Variants in PTPRC observed in about 807,000 individuals in gnomAD.
PTPRC encodes receptor-type tyrosine-protein phosphatase C.
In PTPRC, 44 loss-of-function variants were observed where a neutral mutation model predicts 155.9. The ratio of observed to expected loss-of-function variants is 0.28; its 90% CI spans 0.22 to 0.36. The LOEUF (loss-of-function observed/expected upper bound fraction) is 0.36, where lower values mean the gene tolerates loss of function less well. Ranked by LOEUF, PTPRC falls within the 10% of genes least tolerant of loss-of-function variation. PTPRC has a pLI of 1.00. For missense variants in PTPRC, 1,401 were observed against 1,564.6 expected, an observed-to-expected ratio of 0.90 and a Z score of 1.76; for synonymous variants, 525 against 533.1, an observed-to-expected ratio of 0.98 and a Z score of 0.21.
At chr1:198,641,021 TA>T (rs1662552091) in intron 2 of PTPRC, among the ~76,000 whole-genome samples, 1 of 152,024 alleles carries the variant, frequency 6.6e-6, no homozygotes, top group Non-Finnish European at 1.5e-5. Flanking sequence ...TAGAAACCTT[TA>T]TATCAACTTT....
intron 10 of PTPRC, 144 bp from the exon 11 acceptor site, chr1:198,709,543 G>C: frequency 1.4e-6 from 1 of 728,754 alleles, no homozygotes; most frequent in African/African-American, 1.9e-5. Flanking sequence ...ATTATTTTTA[G>C]GGTTTTTTAT....
At chr1:198,724,407 A>G (rs1654033168) in intron 15 of PTPRC, among the ~76,000 whole-genome samples, 2 of 152,084 alleles carry the variant, frequency 1.3e-5, no homozygotes, top group African/African-American at 4.8e-5. Context: ...CTCACATGCC[A>G]TCTTGAAATA....
In PTPRC at chr1:198,755,967, T is replaced by TAAAG; in HGVS notation, c.3711_3714dup (p.Asn1239GlufsTer8). ...ACCTACCCTGCTCAGAATGGACAAG[T>TAAAG]AAAGAAAAACAACCATCAAGAAGAT... On this transcript the variant is annotated frameshift_variant, in exon 33 of 33. Transcript: ENST00000442510. LOFTEE classifies it low-confidence loss of function (END_TRUNC). 1 of 1,613,088 alleles carries TAAAG rather than the reference T, an allele frequency of 6.2e-7. No individual in the cohort carries two copies. The highest frequency in any genetic ancestry group is 8.5e-7 in the Non-Finnish European group (1 of 1,179,426).
intron 3 of PTPRC, among the ~76,000 whole-genome samples, chr1:198,695,336 T>C (rs932525314): frequency 6.6e-6 from 1 of 151,756 alleles, no homozygotes; most frequent in African/African-American, 2.4e-5. Context: ...TTAATTATTT[T>C]TTGTTGTGTG....
intron 23 of PTPRC, among the ~76,000 whole-genome samples, chr1:198,736,242 G>T (rs1251441707): frequency 6.6e-6 from 1 of 151,328 alleles, no homozygotes; most frequent in African/African-American, 2.4e-5. Flanking sequence ...AATTATTGTT[G>T]AATAGTCACC....
At chr1:198,720,244 T>G (rs901667620) in intron 14 of PTPRC, among the ~76,000 whole-genome samples, 2 of 152,206 alleles carry the variant, frequency 1.3e-5, no homozygotes, top group Admixed American at 1.3e-4. Context: ...TCATTCTTAT[T>G]AAATTTGGTA....
At chr1:198,709,572 A>C (rs1029520387) in intron 10 of PTPRC, 115 bp from the exon 11 acceptor site, 1 of 919,252 alleles carries the variant, frequency 1.1e-6, no homozygotes, top group East Asian at 3.4e-5. Context: ...TAATTTCCAC[A>C]GATGTTTCAA....
chr1:198,696,869 C>T lies in PTPRC; in HGVS notation c.258C>T (p.Ser86=), dbSNP rs1666230354. The T allele has an allele frequency of 6.2e-7, 1 of 1,614,052 alleles. No homozygotes were observed. Among genetic ancestry groups the T allele is most frequent in the Non-Finnish European group, 8.5e-7 (1 of 1,179,958 alleles). The part of the protein sequence containing the change: ...LSPDNTSTQV[S]PDSLDNASAF... ...CAGACAATACTTCCACCCAAGTATC[C>T]CCGGACTCTTTGGATAATGCTAGTG... Residue 86 remains serine, a synonymous_variant, in exon 4 of 33, where the codon TCC becomes TCT. Transcript: ENST00000442510.
At chr1:198,651,760 T>C (rs1472751903) in intron 2 of PTPRC, among the ~76,000 whole-genome samples, 1 of 151,858 alleles carries the variant, frequency 6.6e-6, no homozygotes, top group Admixed American at 6.6e-5. Context: ...AATTTACTGG[T>C]TGTCATATCC....
At chr1:198,644,898 G>A (rs1006680190) in intron 2 of PTPRC, among the ~76,000 whole-genome samples, 16 of 151,706 alleles carry the variant, frequency 1.1e-4, no homozygotes, top group Admixed American at 4.0e-4. Context: ...TCAAGTGTCT[G>A]AAAGGAAAAA....
At chr1:198,748,866 C>CTT (rs1005939782) in intron 27 of PTPRC, among the ~76,000 whole-genome samples, 2 of 151,522 alleles carry the variant, frequency 1.3e-5, no homozygotes, top group African/African-American at 4.8e-5. Context: ...CATAGGAGTC[C>CTT]TTATGAATGT....
intron 2 of PTPRC, among the ~76,000 whole-genome samples, chr1:198,660,067 A>ATATATG (rs1315830203): frequency 9.8e-6 from 1 of 101,642 alleles, no homozygotes; most frequent in African/African-American, 3.4e-5. Flanking sequence ...ATATATATAT[A>ATATATG]TGATCTTTTT....
intron 2 of PTPRC, among the ~76,000 whole-genome samples, chr1:198,662,477 T>TGTGTGA (rs1553232046): frequency 6.7e-5 from 4 of 59,386 alleles, no homozygotes; most frequent in East Asian, 1.1e-3. Flanking sequence ...TGTGTGTGTG[T>TGTGTGA]GAGAGTGTGT....
intron 14 of PTPRC, among the ~76,000 whole-genome samples, chr1:198,721,064 G>A (rs185259893): frequency 2.6e-4 from 39 of 152,216 alleles, no homozygotes; most frequent in African/African-American, 9.4e-4. Flanking sequence ...CAACCTTAAC[G>A]TTCAAAGTAG....
At position 198,704,507 on chromosome 1, in the gene PTPRC, A is replaced by T. The variant is rs769983193; in HGVS notation, c.685+9A>T. 1 of 1,614,006 alleles carries T rather than the reference A, an allele frequency of 6.2e-7. No individual in the cohort carries two copies. On this transcript the variant is annotated intron_variant, in intron 8 of 32. Coordinates refer to ENST00000442510, the MANE Select transcript of PTPRC (RefSeq NM_002838.5). The stretch of plus-strand genomic sequence containing the variant: ...ATCTAAGCCAACATGTGGTAAGTTT[A>T]TTTACTTAGAATCAGCATACCTCAC...
chr1:198,698,613 A>C (rs1005836331), intron 4 of PTPRC, among the ~76,000 whole-genome samples: 4 of 152,004 alleles, frequency 2.6e-5, no homozygotes, highest in African/African-American at 9.7e-5. Context: ...CATAACATTA[A>C]ATTTAATTAT....
At chr1:198,678,358 T>G (rs1665081954) in intron 2 of PTPRC, among the ~76,000 whole-genome samples, 1 of 152,214 alleles carries the variant, frequency 6.6e-6, no homozygotes, top group Admixed American at 6.5e-5. Context: ...GTTTCTATTT[T>G]TATTCAATTA....
In PTPRC at chr1:198,713,844, G is replaced by T. The variant is rs372365004; in HGVS notation, c.1291+772G>T. Among the ~76,000 whole-genome samples, 78 of 152,304 alleles carry T rather than the reference G, an allele frequency of 5.1e-4. 1 individual carries two copies. In the South Asian group the frequency reaches 0.016, roughly 31 times the overall value. ...TCATAGAATTCTGTCACTCTGTGCT[G>T]TGGGGAAGGAACCAGACATACACTT... On this transcript the variant is annotated intron_variant, in intron 12 of 32. Transcript: ENST00000442510.
At chr1:198,728,649 T>C (rs1038487304) in intron 16 of PTPRC, among the ~76,000 whole-genome samples, 4 of 152,184 alleles carry the variant, frequency 2.6e-5, no homozygotes, top group Admixed American at 2.0e-4. Context: ...AATATTATTT[T>C]CTAAATTTAC....
Sources: gnomAD v4.1 joint callset for allele counts (sites outside exome capture counted in the v4.1 genomes callset) on GRCh38, gnomAD v4.1.1 for gene constraint, MANE v1.5 for transcripts, NCBI Gene and HGNC (gene_info 2026-07-23, HGNC 2026-07-21) for gene names.